The following SCP2 variants were observed in gnomAD, a reference collection of about 807,000 sequenced individuals.
SCP2 encodes sterol carrier protein 2, also known as SCP-2/3-oxoacyl-CoA thiolase.
A neutral mutation model predicts 71.4 loss-of-function variants in SCP2; 48 were observed. That is an observed-to-expected ratio of 0.67 (90% CI 0.53 to 0.86). SCP2 has a LOEUF of 0.86. SCP2 is among the 40% of genes least tolerant of loss of function. The probability of loss-of-function intolerance (pLI) is 0.00; values close to 1 mark genes in which losing one functional copy is unlikely to be tolerated. For missense variants in SCP2, 560 were observed against 655.6 expected, an observed-to-expected ratio of 0.85 and a Z score of 1.59; for synonymous variants, 220 against 218.1, an observed-to-expected ratio of 1.01 and a Z score of -0.08.
At chr1:53,048,266 G>A in intron 15 of SCP2, 1 of 357,924 alleles carries the variant, frequency 2.8e-6, no homozygotes, top group Non-Finnish European at 5.5e-6. Context: ...GGGCCATCAG[G>A]GAGAGCACCA....
chr1:52,984,940 G>A (rs1339876565), intron 10 of SCP2, among the ~76,000 whole-genome samples: 1 of 145,296 alleles, frequency 6.9e-6, no homozygotes, highest in Non-Finnish European at 1.5e-5. Context: ...CTCAGGTTCA[G>A]GCGATTCTCC....
At position 52,979,737 on chromosome 1, in the gene SCP2, G is replaced by A. The variant is rs572528442; in HGVS notation, c.826-659G>A. 2.6e-5 allele frequency among the ~76,000 whole-genome samples: 4 copies of A among 152,190 alleles called. 1 individual carries two copies. The South Asian group carries it at 6.2e-4, about 24-fold the overall frequency. On this transcript the variant is annotated intron_variant, in intron 9 of 15. Coordinates refer to ENST00000371514, the MANE Select transcript of SCP2 (RefSeq NM_002979.5). ...ACAGAAGTTTTGTAACTTAGCACAA[G>A]ATATGCTCTGAGGAATTCTAGGTCC...
Position 52,982,520 on chromosome 1 carries a change from A to G in SCP2, c.973+1977A>G, listed in dbSNP as rs547185536. On this transcript the variant is annotated intron_variant, in intron 10 of 15. Coordinates refer to ENST00000371514, the MANE Select transcript of SCP2 (RefSeq NM_002979.5). The stretch of plus-strand genomic sequence containing the variant: ...GGGAGGCGGAGCTTGCAGGGAGCTG[A>G]TATCATACCACTGCACTCCAGCCTG... 2.6e-5 allele frequency among the ~76,000 whole-genome samples: 4 copies of G among 152,274 alleles called. No homozygotes were observed. In the South Asian group the frequency reaches 6.2e-4, roughly 24 times the overall value.
intron 3 of SCP2, among the ~76,000 whole-genome samples, chr1:52,948,348 G>A (rs933838931): frequency 6.6e-6 from 1 of 151,922 alleles, no homozygotes; most frequent in Non-Finnish European, 1.5e-5. Flanking sequence ...ATCTTCTTTG[G>A]CCTTTTTAAA....
At chr1:52,971,412 T>G (rs1417820166) in intron 6 of SCP2, among the ~76,000 whole-genome samples, 1 of 152,222 alleles carries the variant, frequency 6.6e-6, no homozygotes, top group Non-Finnish European at 1.5e-5. Flanking sequence ...GTCTAAAATT[T>G]GAAATATAAA....
chr1:53,035,924 G>A (rs12566293), intron 13 of SCP2, among the ~76,000 whole-genome samples: 1 of 151,218 alleles, frequency 6.6e-6, no homozygotes, highest in Non-Finnish European at 1.5e-5. Flanking sequence ...GGAGGCTGAG[G>A]CAGGAGAATG....
chr1:53,050,244 A>T, intron 15 of SCP2: 1 of 246,204 alleles, frequency 4.1e-6, no homozygotes, highest in African/African-American at 2.3e-5. Flanking sequence ...TTTTTTGTGT[A>T]TGCTTTTTCT....
At chr1:53,020,748 C>T (rs571661607) in intron 12 of SCP2, among the ~76,000 whole-genome samples, 2 of 152,158 alleles carry the variant, frequency 1.3e-5, no homozygotes, top group East Asian at 3.9e-4. Flanking sequence ...TCCCACCATA[C>T]CTCTATGAGG....
At chr1:53,041,111 G>A (rs1663393895) in intron 14 of SCP2, among the ~76,000 whole-genome samples, 1 of 152,098 alleles carries the variant, frequency 6.6e-6, no homozygotes, top group Non-Finnish European at 1.5e-5. Flanking sequence ...GGCTTAAAAT[G>A]CCATGATAGG....
chr1:52,980,159 A>G (rs1376207717), intron 9 of SCP2, among the ~76,000 whole-genome samples: 2 of 152,066 alleles, frequency 1.3e-5, no homozygotes, highest in South Asian at 4.1e-4. Context: ...TTATTTGTAG[A>G]GACAGGATCT....
rs748013757 is a variant in SCP2 at position 53,014,913 on chromosome 1, T to G, written c.1105T>G (p.Cys369Gly). The G allele has an allele frequency of 1.2e-5, 19 of 1,613,358 alleles. No individual in the cohort carries two copies. The South Asian group carries it at 2.0e-4, about 17-fold the overall frequency. ...AGGTCTTGCTCAGTGTGCAGAACTC[T>G]GCTGGCAGCTGAGAGGGGAAGCCGG... ...ATGLAQCAEL[C>G]WQLRGEAGKR... Residue 369 changes from cysteine to glycine, a missense_variant, in exon 12 of 16, where the codon TGC (cysteine) becomes GGC (glycine). Cys to Gly is a radical substitution (Grantham distance 159). Transcript: ENST00000371514.
At chr1:52,950,276 A>T (rs2150125080) in intron 3 of SCP2, among the ~76,000 whole-genome samples, 1 of 152,220 alleles carries the variant, frequency 6.6e-6, no homozygotes, top group South Asian at 2.1e-4. Flanking sequence ...GCATGCCACC[A>T]TGCCTGGCTA....
At chr1:52,986,110 A>G (rs1011562122) in intron 10 of SCP2, among the ~76,000 whole-genome samples, 5 of 152,238 alleles carry the variant, frequency 3.3e-5, no homozygotes, top group African/African-American at 1.2e-4. Flanking sequence ...CAGAACAGGT[A>G]TAATAATTGT....
chr1:53,047,436 T>A (rs565619765), intron 14 of SCP2, among the ~76,000 whole-genome samples: 2 of 152,344 alleles, frequency 1.3e-5, no homozygotes, highest in East Asian at 3.9e-4. Flanking sequence ...TATATTGGTG[T>A]CTTAAGTTTA....
At chr1:52,973,388 AC>A (rs1657671480) in intron 6 of SCP2, among the ~76,000 whole-genome samples, 1 of 151,702 alleles carries the variant, frequency 6.6e-6, no homozygotes, top group African/African-American at 2.4e-5. Context: ...AATGAAAATA[AC>A]CCCCCAAAAT....
chr1:52,941,001 G>A lies in SCP2; in HGVS notation c.70-795G>A, dbSNP rs951618050. Among the ~76,000 whole-genome samples, 12 of 152,010 alleles carry A rather than the reference G, an allele frequency of 7.9e-5. No homozygotes were observed. In the East Asian group the frequency reaches 1.9e-3, roughly 25 times the overall value. Reference sequence around the variant, plus strand: ...TTGACCTCAGTGATCCTCCCGCCTCGGCCTCCCAAAGTGCTGGGATTACAG... The same window carrying A: ...TTGACCTCAGTGATCCTCCCGCCTCAGCCTCCCAAAGTGCTGGGATTACAG... On this transcript the variant is annotated intron_variant, in intron 1 of 15. Transcript: ENST00000371514.
intron 11 of SCP2, among the ~76,000 whole-genome samples, chr1:52,990,090 GGAAGA>G (rs1414238710): frequency 6.6e-6 from 1 of 152,274 alleles, no homozygotes; most frequent in East Asian, 1.9e-4. Flanking sequence ...AGTAGCTGAG[GGAAGA>G]GAAAATTCAG....
intron 6 of SCP2, 112 bp downstream of exon 6, chr1:52,961,741 A>G: frequency 1.0e-6 from 1 of 985,400 alleles, no homozygotes; most frequent in Non-Finnish European, 1.6e-6. Context: ...ATAAGATGTA[A>G]AATGTTTTTT....
At chr1:53,024,067 A>G (rs1024382382) in intron 12 of SCP2, among the ~76,000 whole-genome samples, 3 of 152,044 alleles carry the variant, frequency 2.0e-5, no homozygotes, top group Non-Finnish European at 4.4e-5. Context: ...CAGGTTCCTT[A>G]CCATCATCAG....
Sources: allele counts gnomAD v4.1 joint callset (sites outside exome capture counted in the v4.1 genomes callset), GRCh38; gene constraint gnomAD v4.1.1; transcripts MANE v1.5; gene names NCBI Gene and HGNC (gene_info 2026-07-23, HGNC 2026-07-21).